OSBPL8: variants seen among roughly 807,000 people sequenced by gnomAD.
The protein encoded by OSBPL8 is oxysterol-binding protein-related protein 8.
Under a neutral mutation model 125.5 loss-of-function variants are expected in OSBPL8, and 59 were observed. That is an observed-to-expected ratio of 0.47 (90% CI 0.38 to 0.58). The LOEUF is 0.58. OSBPL8 is among the 20% of genes least tolerant of loss of function. The pLI is 0.00. For missense variants in OSBPL8, 758 were observed against 1,047.8 expected (o/e 0.72, Z 3.82); for synonymous variants, 330 against 338.9 (o/e 0.97, Z 0.29).
chr12:76,356,485 TC>T (rs1951992614), intron 23 of OSBPL8, 140 bp downstream of exon 23: 1 of 545,930 alleles, frequency 1.8e-6, no homozygotes, highest in Admixed American at 3.9e-5. Flanking sequence ...GTGTCAAACA[TC>T]AGGTGATAGA....
chr12:76,510,982 C>T (rs1372698518), intron 1 of OSBPL8, among the ~76,000 whole-genome samples: 2 of 151,990 alleles, frequency 1.3e-5, no homozygotes, highest in Non-Finnish European at 2.9e-5. Flanking sequence ...CATCCAGGAA[C>T]TTAGTGTATA....
Position 76,378,427 on chromosome 12 carries a change from T to G in OSBPL8, c.1729+25A>C, listed in dbSNP as rs764035779. On this transcript the variant is annotated intron_variant, in intron 16 of 23. Transcript: ENST00000261183. Reference sequence around the variant, plus strand: ...TTACTTAAAAGGAAAGCTTAATATCTAATTCAAGTATAGAAAATATTTACC... The same window carrying G: ...TTACTTAAAAGGAAAGCTTAATATCGAATTCAAGTATAGAAAATATTTACC... 4.9e-6 allele frequency: 7 copies of G among 1,432,598 alleles called. No homozygotes were observed. The East Asian group carries it at 1.6e-4, about 33-fold the overall frequency. 88.7% of individuals were successfully genotyped at this position (1,432,598 alleles called of 1,614,324 possible). A position where few individuals can be genotyped will look rare whatever the true frequency, so the allele number is the denominator to read the frequency against.
At chr12:76,482,438 A>AC (rs1424157488) in intron 2 of OSBPL8, among the ~76,000 whole-genome samples, 2 of 152,060 alleles carry the variant, frequency 1.3e-5, no homozygotes, top group South Asian at 2.1e-4. Flanking sequence ...ACATGGAGAA[A>AC]CCCCGTCTCT....
chr12:76,458,498 T>C (rs1471741653), intron 3 of OSBPL8, among the ~76,000 whole-genome samples: 1 of 152,086 alleles, frequency 6.6e-6, no homozygotes, highest in Admixed American at 6.5e-5. Context: ...AAGACCAGCC[T>C]GGGCAACATA....
chr12:76,447,511 A>G lies in OSBPL8; in HGVS notation c.217+3340T>C, dbSNP rs531454128. On this transcript the variant is annotated intron_variant, in intron 4 of 23. Transcript: ENST00000261183. ...AAAGATGTAATCAAACAATCTAAAA[A>G]AGTCAAACACTCTACAGGACACTGG... is the stretch of plus-strand genomic sequence containing the variant. Among the ~76,000 whole-genome samples the G allele has an allele frequency of 6.6e-5, 10 of 152,320 alleles. 1 individual carries two copies. In the East Asian group the frequency reaches 1.3e-3, roughly 21 times the overall value.
At chr12:76,409,996 A>T (rs1376904482) in intron 5 of OSBPL8, among the ~76,000 whole-genome samples, 3 of 152,204 alleles carry the variant, frequency 2.0e-5, no homozygotes, top group Admixed American at 1.3e-4. Flanking sequence ...AAAAACCCAT[A>T]GGGAAACTGG....
In OSBPL8 at chr12:76,371,391, G is replaced by A; in HGVS notation, c.2054+57C>T. 13 of 1,477,708 alleles carry A rather than the reference G, an allele frequency of 8.8e-6. No individual in the cohort carries two copies. The South Asian group carries it at 9.0e-5, about 10-fold the overall frequency. The allele number at this position is 1,477,708 out of a possible 1,614,324, so 91.5% of individuals were successfully genotyped here. ...GTGACAAAATGACCATATCATTAAGGAATTGAAAAACTACTCTCTGATCCT... is the reference window on the plus strand; with the variant it reads ...GTGACAAAATGACCATATCATTAAGAAATTGAAAAACTACTCTCTGATCCT... On this transcript the variant is annotated intron_variant, in intron 19 of 23. Transcript: ENST00000261183.
chr12:76,361,800 C>T (rs1952218937), intron 21 of OSBPL8, among the ~76,000 whole-genome samples: 1 of 152,170 alleles, frequency 6.6e-6, no homozygotes, highest in Non-Finnish European at 1.5e-5. Context: ...ATGGGGGAAA[C>T]CACCCCCTTG....
Position 76,526,323 on chromosome 12 carries a change from C to G in OSBPL8, c.-68+33074G>C, listed in dbSNP as rs1278782966. Among the ~76,000 whole-genome samples the G allele has an allele frequency of 2.6e-5, 4 of 152,052 alleles. No homozygotes were observed. In the South Asian group the frequency reaches 8.3e-4, roughly 31 times the overall value. Reference sequence around the variant, plus strand: ...ATATATCACAAAAGTATTAATTGAACGTTTTTCAAATGTTTATTTCTCCAT... The same window carrying G: ...ATATATCACAAAAGTATTAATTGAAGGTTTTTCAAATGTTTATTTCTCCAT... On this transcript the variant is annotated intron_variant, in intron 1 of 23. Transcript: ENST00000261183.
Position 76,371,486 on chromosome 12 carries a change from A to C in OSBPL8, c.2016T>G (p.Thr672=), listed in dbSNP as rs774978563. 38 of 1,608,654 alleles carry C rather than the reference A, an allele frequency of 2.4e-5. No individual in the cohort carries two copies. The highest frequency in any genetic ancestry group is 3.2e-5 in the Non-Finnish European group (38 of 1,177,270). ...DIKQWRLIRH[T]VKFEEQGDFE... ...AATCTCCCTGTTCTTCAAATTTTAC[A>C]GTGTGCCTTATTAATCTCCATTGCT... Residue 672 remains threonine, a synonymous_variant, in exon 19 of 24, where the codon ACT becomes ACG. Transcript: ENST00000261183.
At chr12:76,452,147 T>C (rs897856930) in intron 3 of OSBPL8, among the ~76,000 whole-genome samples, 4 of 151,996 alleles carry the variant, frequency 2.6e-5, no homozygotes, top group Admixed American at 2.0e-4. Flanking sequence ...GTCTCCACCA[T>C]AGGTTTTATT....
intron 1 of OSBPL8, among the ~76,000 whole-genome samples, chr12:76,531,087 C>T (rs768850182): frequency 1.4e-4 from 22 of 152,100 alleles, no homozygotes; most frequent in Non-Finnish European, 2.9e-4. Flanking sequence ...TTCCACATGG[C>T]TGAGAAGGCC....
intron 1 of OSBPL8, among the ~76,000 whole-genome samples, chr12:76,528,805 A>C (rs541564429): frequency 6.6e-6 from 1 of 152,174 alleles, no homozygotes; most frequent in South Asian, 2.1e-4. Context: ...AGTGAGCTAT[A>C]ATGGCGCCAC....
At chr12:76,514,013 C>A (rs539102771) in intron 1 of OSBPL8, among the ~76,000 whole-genome samples, 1 of 152,158 alleles carries the variant, frequency 6.6e-6, no homozygotes, top group African/African-American at 2.4e-5. Flanking sequence ...TATAGTGTCA[C>A]TAGTCTGTGT....
intron 8 of OSBPL8, among the ~76,000 whole-genome samples, chr12:76,395,886 T>G (rs1953772032): frequency 1.3e-5 from 2 of 151,942 alleles, no homozygotes; most frequent in African/African-American, 4.8e-5. Context: ...TTATACAGAT[T>G]TCTCTCTTCT....
At chr12:76,411,149 T>C (rs911328462) in intron 4 of OSBPL8, among the ~76,000 whole-genome samples, 1 of 152,314 alleles carries the variant, frequency 6.6e-6, no homozygotes, top group East Asian at 1.9e-4. Flanking sequence ...TCAATTAATG[T>C]TCACCTTTAT....
At chr12:76,435,409 A>G (rs1157543612) in intron 4 of OSBPL8, among the ~76,000 whole-genome samples, 1 of 152,116 alleles carries the variant, frequency 6.6e-6, no homozygotes, top group African/African-American at 2.4e-5. Context: ...AGTGGAGGAA[A>G]TGGGGAGATA....
At position 76,478,890 on chromosome 12, in the gene OSBPL8, C is replaced by G. The variant is rs868241365; in HGVS notation, c.42+8620G>C. Among the ~76,000 whole-genome samples the G allele has an allele frequency of 2.6e-5, 4 of 152,222 alleles. No homozygotes were observed. The South Asian group carries it at 8.3e-4, about 32-fold the overall frequency. ...CATGACGTCAGGAGATCGAGACCAT[C>G]CTGGCTAACAGGGTGAAACTCCGTC... On this transcript the variant is annotated intron_variant, in intron 2 of 23. Transcript: ENST00000261183.
chr12:76,529,294 G>A (rs1305002732), intron 1 of OSBPL8, among the ~76,000 whole-genome samples: 1 of 152,042 alleles, frequency 6.6e-6, no homozygotes, highest in African/African-American at 2.4e-5. Context: ...TAAGAAAACT[G>A]GAATCCTTGC....
Sources: gnomAD v4.1 joint callset for allele counts (sites outside exome capture counted in the v4.1 genomes callset) on GRCh38, gnomAD v4.1.1 for gene constraint, MANE v1.5 for transcripts, NCBI Gene and HGNC (gene_info 2026-07-23, HGNC 2026-07-21) for gene names.